The following UBE2F variants were observed in gnomAD, a reference collection of about 807,000 sequenced individuals.
The protein encoded by UBE2F is NEDD8-conjugating enzyme UBE2F.
Under a neutral mutation model 29.6 loss-of-function variants are expected in UBE2F, and 5 were observed. The observed-to-expected ratio is 0.17, with a 90% confidence interval of 0.09 to 0.36. The LOEUF is 0.36. UBE2F is among the 10% of genes least tolerant of loss of function. The pLI, the probability that UBE2F is intolerant of heterozygous loss-of-function variation, is 1.00. For missense variants in UBE2F, 141 were observed against 228.5 expected (o/e 0.62, Z 2.47); for synonymous variants, 66 against 81.8 (o/e 0.81, Z 1.04).
chr2:238,018,312 C>G (rs370666238), intron 5 of UBE2F, among the ~76,000 whole-genome samples: 3 of 152,140 alleles, frequency 2.0e-5, no homozygotes, highest in Admixed American at 1.3e-4. Context: ...TATGACATAC[C>G]GTTCTGGATG....
rs1163660117 is a variant in UBE2F at position 237,967,181 on chromosome 2, G to A, written c.-17+49G>A. The A allele has an allele frequency of 7.1e-6, 8 of 1,124,180 alleles. No individual in the cohort carries two copies. The South Asian group carries it at 2.5e-4, about 35-fold the overall frequency. The allele number at this position is 1,124,180 out of a possible 1,614,324, so 69.6% of individuals were successfully genotyped here. The stretch of plus-strand genomic sequence containing the variant: ...GCGGCGGGGCGAGGTGCGGCCGCCG[G>A]TGCACGGGCTGGCCTGCGGGCCGGG... On this transcript the variant is annotated intron_variant, in intron 1 of 9. Coordinates refer to ENST00000272930, the MANE Select transcript of UBE2F (RefSeq NM_080678.3). This position sits in a 1 kb window ranked among gnomAD's most constrained non-coding sequence, Gnocchi z 6.3.
chr2:237,967,112 C>T lies in UBE2F; in HGVS notation c.-37C>T. ...ATGGTGTTGGGCGCCGGGCCCGCCT[C>T]GCCTGTCTCGGGGAGCCCAGGTGAG... On this transcript the variant is annotated 5_prime_UTR_variant, in exon 1 of 10. Coordinates refer to ENST00000272930, the MANE Select transcript of UBE2F (RefSeq NM_080678.3). This position sits in a 1 kb window ranked among gnomAD's most constrained non-coding sequence, Gnocchi z 6.3. 7.5e-7 allele frequency: 1 copy of T among 1,340,752 alleles called. No individual in the cohort carries two copies. The highest frequency in any genetic ancestry group is 9.6e-7 in the Non-Finnish European group (1 of 1,042,062). The allele number at this position is 1,340,752 out of a possible 1,614,324, so 83.1% of individuals were successfully genotyped here.
intron 9 of UBE2F, among the ~76,000 whole-genome samples, chr2:238,037,974 A>T (rs978641192): frequency 6.6e-6 from 1 of 152,130 alleles, no homozygotes; most frequent in Non-Finnish European, 1.5e-5. Context: ...GGCTTCTGTT[A>T]ATGTTAGTTA....
At position 237,994,782 on chromosome 2, in the gene UBE2F, C is replaced by T; in HGVS notation, c.187C>T (p.His63Tyr). 1 of 1,614,042 alleles carries T rather than the reference C, an allele frequency of 6.2e-7. No individual in the cohort carries two copies. Among genetic ancestry groups the T allele is most frequent in the Non-Finnish European group, 8.5e-7 (1 of 1,179,922 alleles). ...KVHFPDPNKL[H>Y]CFQLTVTPDE... Reference sequence around the variant, plus strand: ...GCATTTTCCTGATCCAAACAAGCTTCATTGTTTTCAGCTAACAGTAACCCC... The same window carrying T: ...GCATTTTCCTGATCCAAACAAGCTTTATTGTTTTCAGCTAACAGTAACCCC... The change falls in exon 4 of 10, where the codon CAT becomes TAT. Residue 63 changes from histidine (H) to tyrosine (Y), a missense_variant. By Grantham distance (83) the His-to-Tyr change is moderately conservative (BLOSUM62 2). Transcript: ENST00000272930.
intron 6 of UBE2F, among the ~76,000 whole-genome samples, chr2:238,028,562 A>G (rs1408704090): frequency 6.6e-6 from 1 of 152,278 alleles, no homozygotes; most frequent in African/African-American, 2.4e-5. Context: ...CAAGTCACCA[A>G]TACCTCTGTA....
At chr2:238,002,685 C>A (rs1351326590) in intron 4 of UBE2F, among the ~76,000 whole-genome samples, 1 of 152,202 alleles carries the variant, frequency 6.6e-6, no homozygotes, top group African/African-American at 2.4e-5. Context: ...GATCTTGACT[C>A]ACTGCAATCT....
intron 5 of UBE2F, among the ~76,000 whole-genome samples, chr2:238,018,698 G>A (rs1471254180): frequency 6.6e-6 from 1 of 152,064 alleles, no homozygotes; most frequent in African/African-American, 2.4e-5. Flanking sequence ...CCTGTCAGTG[G>A]GTGATCTTAA....
intron 7 of UBE2F, among the ~76,000 whole-genome samples, chr2:238,031,290 G>C (rs937413105): frequency 6.6e-6 from 1 of 152,174 alleles, no homozygotes; most frequent in Non-Finnish European, 1.5e-5. Flanking sequence ...CCTCTCCCTG[G>C]CAGACTCCTG....
intron 5 of UBE2F, among the ~76,000 whole-genome samples, chr2:238,020,982 G>A (rs1397987735): frequency 6.6e-6 from 1 of 152,244 alleles, no homozygotes; most frequent in African/African-American, 2.4e-5. Flanking sequence ...GGAGGAGCAC[G>A]TGACATGGCC....
intron 4 of UBE2F, among the ~76,000 whole-genome samples, chr2:237,995,565 G>T (rs2063674097): frequency 6.6e-6 from 1 of 152,168 alleles, no homozygotes; most frequent in Admixed American, 6.6e-5. Flanking sequence ...ATTTTATTTG[G>T]GGGATGGAAA....
intron 3 of UBE2F, among the ~76,000 whole-genome samples, chr2:237,988,486 C>T (rs1342632806): frequency 2.0e-5 from 3 of 151,746 alleles, no homozygotes; most frequent in Admixed American, 1.3e-4. Flanking sequence ...CCTGGTGCTG[C>T]ATCACTGTAG....
rs2063069114 is a variant in UBE2F, at chr2:237,967,075, C to T, written c.-74C>T. On this transcript the variant is annotated 5_prime_UTR_variant, in exon 1 of 10. Coordinates refer to ENST00000272930, the MANE Select transcript of UBE2F (RefSeq NM_080678.3). This position sits in a 1 kb window ranked among gnomAD's most constrained non-coding sequence, Gnocchi z 6.3. ...GAGGGGCCGCGTCTCGCAGCAGCCG[C>T]CCGGACCGGGCATGGTGTTGGGCGC... 7.5e-7 allele frequency: 1 copy of T among 1,333,062 alleles called. No homozygotes were observed. Among genetic ancestry groups the T allele is most frequent in the African/African-American group, 1.5e-5 (1 of 65,230 alleles). 82.6% of individuals were successfully genotyped at this position (1,333,062 alleles called of 1,614,324 possible).
At chr2:238,027,164 T>C (rs2064451514) in intron 6 of UBE2F, among the ~76,000 whole-genome samples, 1 of 152,204 alleles carries the variant, frequency 6.6e-6, no homozygotes, top group Non-Finnish European at 1.5e-5. Context: ...TATCCTGATA[T>C]AAAAGCCAGA....
At chr2:237,987,669 C>T (rs1453833849) in intron 2 of UBE2F, among the ~76,000 whole-genome samples, 1 of 152,162 alleles carries the variant, frequency 6.6e-6, no homozygotes, top group Admixed American at 6.5e-5. Context: ...TTTAAAAACA[C>T]TGTAGTGACT....
chr2:238,025,520 T>C (rs1263351014), intron 6 of UBE2F, 108 bp downstream of exon 6: 4 of 1,034,514 alleles, frequency 3.9e-6, no homozygotes, highest in Non-Finnish European at 5.9e-6. Flanking sequence ...ATGGCCAAGA[T>C]TAGGAAGGGC....
chr2:238,036,039 G>C (rs1198432342), intron 9 of UBE2F, 99 bp downstream of exon 9: 1 of 1,068,228 alleles, frequency 9.4e-7, no homozygotes, highest in Non-Finnish European at 1.4e-6. Flanking sequence ...TCCACCAAGA[G>C]AGTGGTGGGA....
chr2:237,967,051 A>G lies in UBE2F; in HGVS notation c.-98A>G, dbSNP rs1416922616. 4 of 1,311,926 alleles carry G rather than the reference A, an allele frequency of 3.0e-6. No homozygotes were observed. Among genetic ancestry groups the G allele is most frequent in the East Asian group, 3.2e-5 (1 of 31,160 alleles). The allele number at this position is 1,311,926 out of a possible 1,614,324, so 81.3% of individuals were successfully genotyped here. A position where few individuals can be genotyped will look rare whatever the true frequency, so the allele number is the denominator to read the frequency against. On this transcript the variant is annotated 5_prime_UTR_variant, in exon 1 of 10. Coordinates refer to ENST00000272930, the MANE Select transcript of UBE2F (RefSeq NM_080678.3). This position sits in a 1 kb window ranked among gnomAD's most constrained non-coding sequence, Gnocchi z 6.3. The stretch of plus-strand genomic sequence containing the variant: ...GCCGCCGGGAGCCGGTGCGGCTGTG[A>G]GGGGCCGCGTCTCGCAGCAGCCGCC...
At chr2:238,024,420 A>G (rs1469722591) in intron 5 of UBE2F, among the ~76,000 whole-genome samples, 1 of 152,132 alleles carries the variant, frequency 6.6e-6, no homozygotes, top group African/African-American at 2.4e-5. Context: ...ATCATAGCTC[A>G]CTGCAGCCTA....
At chr2:237,999,912 C>T (rs1335397618) in intron 4 of UBE2F, among the ~76,000 whole-genome samples, 3 of 151,284 alleles carry the variant, frequency 2.0e-5, no homozygotes, top group Admixed American at 6.6e-5. Flanking sequence ...GCAACCTCCA[C>T]CTCCCAGGTT....
Sources: allele counts gnomAD v4.1 joint callset (sites outside exome capture counted in the v4.1 genomes callset), GRCh38; gene constraint gnomAD v4.1.1; non-coding constraint Gnocchi (gnomAD v3.1); transcripts MANE v1.5; gene names NCBI Gene and HGNC (gene_info 2026-07-23, HGNC 2026-07-21).